NPAS3: variants seen among roughly 807,000 people sequenced by gnomAD.
NPAS3 encodes the protein neuronal PAS domain protein 3, also known as neuronal PAS domain-containing protein 3.
A neutral mutation model predicts 73.1 loss-of-function variants in NPAS3; 14 were observed. The observed-to-expected ratio is 0.19, with a 90% CI of 0.13 to 0.30. NPAS3 has a LOEUF of 0.30. Among genes scored for constraint, NPAS3 ranks in the 10% least tolerant of loss-of-function variants. NPAS3 has a pLI of 1.00. For synonymous variants in NPAS3, 620 were observed against 541.5 expected (o/e 1.14, Z -2.01); for missense variants, 1,096 against 1,250.0 (o/e 0.88, Z 1.86).
At chr14:33,026,588 AT>A (rs1217921166) in intron 1 of NPAS3, among the ~76,000 whole-genome samples, 2 of 145,990 alleles carry the variant, frequency 1.4e-5, no homozygotes, top group Admixed American at 1.4e-4. Flanking sequence ...GGTTTCTCAT[AT>A]TTTATGGAGA....
At chr14:33,717,472 G>A (rs1011329346) in intron 6 of NPAS3, among the ~76,000 whole-genome samples, 16 of 151,996 alleles carry the variant, frequency 1.1e-4, no homozygotes, top group South Asian at 6.2e-4. Flanking sequence ...CAACAACCCC[G>A]TAAACACACA....
intron 7 of NPAS3, among the ~76,000 whole-genome samples, chr14:33,737,128 C>G (rs1385252086): frequency 6.6e-6 from 1 of 152,170 alleles, no homozygotes; most frequent in Admixed American, 6.5e-5. Flanking sequence ...CAGCTCCATA[C>G]CACATGCACT....
chr14:33,772,325 C>G (rs2062680879), intron 7 of NPAS3, among the ~76,000 whole-genome samples: 1 of 152,098 alleles, frequency 6.6e-6, no homozygotes, highest in Non-Finnish European at 1.5e-5. Context: ...CCAACTTTGA[C>G]CCCCTTCAAT....
intron 3 of NPAS3, among the ~76,000 whole-genome samples, chr14:33,220,396 G>A (rs1271707561): frequency 6.6e-6 from 1 of 152,168 alleles, no homozygotes; most frequent in Non-Finnish European, 1.5e-5. Flanking sequence ...ATGGAAATGT[G>A]ATGTATTTGC....
chr14:33,602,418 T>C (rs2149834), intron 5 of NPAS3, among the ~76,000 whole-genome samples: 48,699 of 152,044 alleles, frequency 0.32, 9,230 homozygotes, highest in East Asian at 0.65. Flanking sequence ...GAAGTCTGAG[T>C]GCTTCTGTGC....
upstream of NPAS3, among the ~76,000 whole-genome samples, chr14:32,938,147 T>C (rs933272784): frequency 6.6e-6 from 1 of 152,122 alleles, no homozygotes; most frequent in Non-Finnish European, 1.5e-5. Context: ...CTGATGCAGA[T>C]GCTCCGGCTT....
At chr14:33,221,690 G>T (rs556752639) in intron 3 of NPAS3, among the ~76,000 whole-genome samples, 2 of 152,050 alleles carry the variant, frequency 1.3e-5, no homozygotes, top group Non-Finnish European at 2.9e-5. Flanking sequence ...AAAGAGTACA[G>T]ATGTGCTCTT....
At chr14:33,747,168 G>A (rs1043458261) in intron 7 of NPAS3, among the ~76,000 whole-genome samples, 2 of 151,984 alleles carry the variant, frequency 1.3e-5, no homozygotes, top group Non-Finnish European at 2.9e-5. Context: ...ATTCACAATA[G>A]CAAAGACTTG....
intron 6 of NPAS3, among the ~76,000 whole-genome samples, chr14:33,683,184 C>T (rs2059988703): frequency 6.6e-6 from 1 of 151,966 alleles, no homozygotes; most frequent in African/African-American, 2.4e-5. Context: ...AAGCACAGGC[C>T]TCTTATCAAA....
At chr14:33,251,186 G>T (rs140935774) in intron 3 of NPAS3, among the ~76,000 whole-genome samples, 10 of 152,014 alleles carry the variant, frequency 6.6e-5, no homozygotes, top group Admixed American at 6.5e-4. Flanking sequence ...CATCAATCTC[G>T]CTTATCAGTA....
In NPAS3 at chr14:33,584,401, T is replaced by TTAA. The variant is rs1555417082; in HGVS notation, c.558+24191_558+24192insTAA. Among the ~76,000 whole-genome samples, 231 of 84,404 alleles carry TTAA rather than the reference T, an allele frequency of 2.7e-3. 1 individual carries two copies. The highest frequency in any genetic ancestry group is 0.011 in the African/African-American group (216 of 19,654). The allele number at this position is 84,404 out of a possible 152,430, so 55.4% of individuals were successfully genotyped here. ...TGCTATTCATAGATGGATGTTTATT[T>TTAA]AAAAAAAAAAAGGGGGATCAATAGA... On this transcript the variant is annotated intron_variant, in intron 5 of 11. Transcript: ENST00000356141.
At chr14:33,021,459 C>A (rs1489386340) in intron 1 of NPAS3, among the ~76,000 whole-genome samples, 1 of 152,158 alleles carries the variant, frequency 6.6e-6, no homozygotes, top group African/African-American at 2.4e-5. Flanking sequence ...ATATTTCTTG[C>A]ACATTAGGAG....
At chr14:33,735,183 T>G in intron 6 of NPAS3, 31 bp from the exon 7 acceptor site, 1 of 1,492,904 alleles carries the variant, frequency 6.7e-7, no homozygotes, top group South Asian at 1.1e-5. Flanking sequence ...AAGATCTAAA[T>G]CGTGTGTGTC....
At chr14:32,991,604 A>G (rs1357521779) in intron 1 of NPAS3, among the ~76,000 whole-genome samples, 1 of 152,224 alleles carries the variant, frequency 6.6e-6, no homozygotes, top group Non-Finnish European at 1.5e-5. Context: ...CTAGATAACA[A>G]TGAATATCAG....
chr14:33,215,587 G>A (rs1271950062), intron 3 of NPAS3, 161 bp downstream of exon 3: 2 of 834,602 alleles, frequency 2.4e-6, no homozygotes, highest in South Asian at 1.4e-5. Context: ...ACCATGTGAA[G>A]GTGAAATAAA....
At chr14:33,681,219 T>C (rs1001067812) in intron 6 of NPAS3, among the ~76,000 whole-genome samples, 2 of 152,126 alleles carry the variant, frequency 1.3e-5, no homozygotes, top group Non-Finnish European at 2.9e-5. Flanking sequence ...ATATTTTGTA[T>C]AAAAAAACGG....
At chr14:33,581,594 A>G (rs2056664394) in intron 5 of NPAS3, among the ~76,000 whole-genome samples, 1 of 151,866 alleles carries the variant, frequency 6.6e-6, no homozygotes, top group South Asian at 2.1e-4. Flanking sequence ...TTTTTGAAAC[A>G]GTGTCTCACT....
chr14:33,429,290 G>T (rs17101092), intron 4 of NPAS3, among the ~76,000 whole-genome samples: 15 of 151,918 alleles, frequency 9.9e-5, no homozygotes, highest in Admixed American at 8.5e-4. Context: ...AGCTGGTTAC[G>T]GGTTGAGTCA....
intron 7 of NPAS3, among the ~76,000 whole-genome samples, chr14:33,766,298 T>C (rs1309536463): frequency 2.0e-5 from 3 of 152,188 alleles, no homozygotes. Flanking sequence ...ATCTGTCCAT[T>C]TCCTGAACCA....
Sources: allele counts gnomAD v4.1 joint callset (sites outside exome capture counted in the v4.1 genomes callset), GRCh38; gene constraint gnomAD v4.1.1; transcripts MANE v1.5; gene names NCBI Gene and HGNC (gene_info 2026-07-23, HGNC 2026-07-21).